DDR2: variants seen among roughly 807,000 people sequenced by gnomAD.
The protein encoded by DDR2 is discoidin domain-containing receptor 2.
In DDR2, 27 loss-of-function variants were observed where a neutral mutation model predicts 94.9. The ratio of observed to expected loss-of-function variants is 0.28; its 90% CI spans 0.21 to 0.39. The LOEUF is 0.39. Ranked by LOEUF, DDR2 falls within the 10% of genes least tolerant of loss-of-function variation. The pLI, the probability that DDR2 is intolerant of heterozygous loss-of-function variation, is 1.00. For missense variants in DDR2, 783 were observed against 1,076.0 expected (o/e 0.73, Z 3.81); for synonymous variants, 382 against 377.2 (o/e 1.01, Z -0.15).
At chr1:162,648,820 C>A (rs1657543690) in intron 1 of DDR2, among the ~76,000 whole-genome samples, 1 of 152,076 alleles carries the variant, frequency 6.6e-6, no homozygotes, top group Non-Finnish European at 1.5e-5. Context: ...TGTATGAGAA[C>A]AAAAACACTC....
At chr1:162,682,780 C>T (rs930144332) in intron 2 of DDR2, among the ~76,000 whole-genome samples, 3 of 152,144 alleles carry the variant, frequency 2.0e-5, no homozygotes, top group East Asian at 1.9e-4. Flanking sequence ...CATGTAATTA[C>T]TGATGTTTAA....
At chr1:162,715,985 G>A (rs2102023601) in intron 2 of DDR2, among the ~76,000 whole-genome samples, 1 of 152,298 alleles carries the variant, frequency 6.6e-6, no homozygotes, top group Non-Finnish European at 1.5e-5. Context: ...GTTTGGCTTA[G>A]TTCAGTTAAA....
At chr1:162,721,088 G>A (rs1661398032) in intron 3 of DDR2, among the ~76,000 whole-genome samples, 1 of 152,090 alleles carries the variant, frequency 6.6e-6, no homozygotes, top group Non-Finnish European at 1.5e-5. Flanking sequence ...GTTGATGTTT[G>A]GTTGCCTCCT....
At chr1:162,756,023 A>T (rs1294520763) in intron 7 of DDR2, among the ~76,000 whole-genome samples, 2 of 152,218 alleles carry the variant, frequency 1.3e-5, no homozygotes, top group African/African-American at 4.8e-5. Context: ...AGTTTGTGAT[A>T]TGGCTCTAAG....
intron 2 of DDR2, among the ~76,000 whole-genome samples, chr1:162,679,908 A>G (rs546427293): frequency 1.3e-5 from 2 of 152,066 alleles, no homozygotes; most frequent in South Asian, 4.2e-4. Context: ...TTTTTTTCGT[A>G]TGCCTGTTGG....
chr1:162,750,016 GA>G (rs1209282552), intron 3 of DDR2, among the ~76,000 whole-genome samples: 4 of 151,776 alleles, frequency 2.6e-5, no homozygotes, highest in African/African-American at 9.7e-5. Context: ...AGCTATTTAT[GA>G]CAAACGCACA....
Position 162,755,247 on chromosome 1 carries a change from C to T in DDR2, c.509C>T (p.Thr170Ile), listed in dbSNP as rs1386838528. The T allele has an allele frequency of 2.5e-6, 4 of 1,614,084 alleles. No individual in the cohort carries two copies. Among genetic ancestry groups the T allele is most frequent in the Non-Finnish European group, 3.4e-6 (4 of 1,180,014 alleles). Residue 170 changes from threonine to isoleucine, a missense_variant, in exon 6 of 18, where the codon ACC becomes ATC. Physicochemically the swap from Thr to Ile is moderately conservative, Grantham distance 89. Transcript: ENST00000367921. ...VARFVRFIPV[T>I]DHSMNVCMRV... Reference sequence around the variant, plus strand: ...AGATTTGTCCGGTTCATTCCAGTCACCGACCACTCCATGAATGTGTGTATG... The same window carrying T: ...AGATTTGTCCGGTTCATTCCAGTCATCGACCACTCCATGAATGTGTGTATG...
chr1:162,754,560 G>T (rs549074836), intron 4 of DDR2, 64 bp from the exon 5 acceptor site: 4 of 1,529,222 alleles, frequency 2.6e-6, no homozygotes, highest in Admixed American at 1.7e-5. Flanking sequence ...GCTTGCCTGT[G>T]AACCAGTAAA....
intron 3 of DDR2, among the ~76,000 whole-genome samples, chr1:162,748,976 T>C (rs553530171): frequency 1.3e-5 from 2 of 152,284 alleles, no homozygotes; most frequent in African/African-American, 4.8e-5. Flanking sequence ...AGACACAACA[T>C]ACCAGAATCT....
intron 2 of DDR2, among the ~76,000 whole-genome samples, chr1:162,668,060 A>C (rs532084178): frequency 6.6e-6 from 1 of 152,290 alleles, no homozygotes; most frequent in South Asian, 2.1e-4. Context: ...GGCCAGTAGT[A>C]GGGTGAGGCA....
Position 162,772,198 on chromosome 1 carries a change from G to T in DDR2, c.1679G>T (p.Arg560Met). ...GKDVAVEEFP[R>M]KLLTFKEKLG... ...GATGTGGCTGTGGAGGAGTTCCCCA[G>T]GAAACTCCTAACTTTCAAAGAGAAG... Residue 560 changes from arginine (R) to methionine (M), a missense_variant, in exon 13 of 18, where the codon AGG (arginine) becomes ATG (methionine). Transcript: ENST00000367921. 2.5e-6 allele frequency: 4 copies of T among 1,614,194 alleles called. No individual in the cohort carries two copies. The highest frequency in any genetic ancestry group is 3.4e-6 in the Non-Finnish European group (4 of 1,180,040).
At chr1:162,635,372 C>A (rs1263988514) in intron 1 of DDR2, among the ~76,000 whole-genome samples, 1 of 152,156 alleles carries the variant, frequency 6.6e-6, no homozygotes, top group African/African-American at 2.4e-5. Flanking sequence ...GATATCCTTC[C>A]CAAGCTCCCT....
chr1:162,701,915 G>C (rs540680175), intron 2 of DDR2, among the ~76,000 whole-genome samples: 1 of 152,144 alleles, frequency 6.6e-6, no homozygotes, highest in South Asian at 2.1e-4. Flanking sequence ...TCTTTTTTCT[G>C]CATGAAACAT....
In DDR2 at chr1:162,784,766, G is replaced by A. The variant is rs1013693241; in HGVS notation, c.*4520G>A. ...AGGCTCACAAGATGTTACAAAAATA[G>A]TAGAGTGGCCTTACCCTAGATCCAG... On this transcript the variant is annotated 3_prime_UTR_variant, in exon 18 of 18. Transcript: ENST00000367921. The A allele has an allele frequency of 8.5e-5, 13 of 152,080 alleles. No individual in the cohort carries two copies. The highest frequency in any genetic ancestry group is 7.2e-4 in the Admixed American group (11 of 15,256). 9.4% of individuals were successfully genotyped at this position (152,080 alleles called of 1,614,324 possible). A position where few individuals can be genotyped will look rare whatever the true frequency, so the allele number is the denominator to read the frequency against.
intron 1 of DDR2, among the ~76,000 whole-genome samples, chr1:162,634,638 G>T (rs143498629): frequency 6.6e-6 from 1 of 152,130 alleles, no homozygotes; most frequent in Non-Finnish European, 1.5e-5. Flanking sequence ...CCTCCCTCCC[G>T]GGGGAATATT....
chr1:162,667,273 T>C (rs182313582), intron 2 of DDR2, among the ~76,000 whole-genome samples: 17 of 152,300 alleles, frequency 1.1e-4, no homozygotes. Flanking sequence ...ATTATTCTCT[T>C]TACTCATAAC....
intron 1 of DDR2, among the ~76,000 whole-genome samples, chr1:162,634,942 G>C (rs1656741504): frequency 6.6e-6 from 1 of 152,168 alleles, no homozygotes; most frequent in Non-Finnish European, 1.5e-5. Flanking sequence ...TTCTGTGCCT[G>C]CAGTCAGAAG....
At chr1:162,644,888 G>A (rs1367862078) in intron 1 of DDR2, among the ~76,000 whole-genome samples, 5 of 152,142 alleles carry the variant, frequency 3.3e-5, no homozygotes, top group African/African-American at 4.8e-5. Flanking sequence ...GAGTCACCAC[G>A]CCCAGCCAAC....
At chr1:162,676,759 T>C (rs1659146474) in intron 2 of DDR2, among the ~76,000 whole-genome samples, 1 of 152,146 alleles carries the variant, frequency 6.6e-6, no homozygotes, top group Admixed American at 6.5e-5. Flanking sequence ...GAGGTAAATA[T>C]TATCCACCCC....
Sources: gnomAD v4.1 joint callset for allele counts (sites outside exome capture counted in the v4.1 genomes callset) on GRCh38, gnomAD v4.1.1 for gene constraint, MANE v1.5 for transcripts, NCBI Gene and HGNC (gene_info 2026-07-23, HGNC 2026-07-21) for gene names.